SUGCT: variants seen among roughly 807,000 people sequenced by gnomAD.
SUGCT encodes the protein succinyl-CoA:glutarate CoA-transferase.
Under a neutral mutation model 55.0 loss-of-function variants are expected in SUGCT, and 41 were observed. The ratio of observed to expected loss-of-function variants is 0.74; its 90% CI spans 0.58 to 0.97. The LOEUF (loss-of-function observed/expected upper bound fraction) is 0.97, where lower values mean the gene tolerates loss of function less well. Ranked by LOEUF, SUGCT falls within the 50% of genes least tolerant of loss-of-function variation. The pLI is 0.00. For missense variants in SUGCT, 568 were observed against 547.8 expected (o/e 1.04, Z -0.37); for synonymous variants, 187 against 200.4 (o/e 0.93, Z 0.56).
chr7:40,883,145 C>T, the SUGCT span, among the ~76,000 whole-genome samples: 3 of 152,198 alleles, frequency 2.0e-5, no homozygotes, highest in Non-Finnish European at 2.9e-5. Context: ...CATCAGAACT[C>T]ACCATGCTTT....
chr7:40,423,133 A>G (rs2151374976), intron 9 of SUGCT, among the ~76,000 whole-genome samples: 1 of 152,244 alleles, frequency 6.6e-6, no homozygotes, highest in South Asian at 2.1e-4. Context: ...AGCTTTACCT[A>G]TGTGGCTTCA....
At chr7:40,646,599 C>T (rs1449038758) in intron 12 of SUGCT, among the ~76,000 whole-genome samples, 1 of 152,130 alleles carries the variant, frequency 6.6e-6, no homozygotes, top group Non-Finnish European at 1.5e-5. Context: ...CTTCACGCAG[C>T]AGAATTTATT....
At chr7:40,418,158 T>A (rs978075973) in intron 9 of SUGCT, among the ~76,000 whole-genome samples, 2 of 152,204 alleles carry the variant, frequency 1.3e-5, no homozygotes, top group Admixed American at 6.5e-5. Context: ...TTCTTTTTCT[T>A]AGCTTTAAAA....
At chr7:40,334,901 C>T (rs533520178) in intron 9 of SUGCT, among the ~76,000 whole-genome samples, 2 of 152,296 alleles carry the variant, frequency 1.3e-5, no homozygotes, top group South Asian at 4.1e-4. Flanking sequence ...ACATTTAAGT[C>T]CTTAATCCAT....
the SUGCT span, among the ~76,000 whole-genome samples, chr7:40,901,252 G>A: frequency 1.1e-3 from 174 of 152,324 alleles, 1 homozygote; most frequent in Admixed American, 0.011. Context: ...TAATGAGGAA[G>A]TGACCCAGGC....
intron 3 of SUGCT, among the ~76,000 whole-genome samples, chr7:40,183,942 G>T (rs1229729792): frequency 6.6e-6 from 1 of 152,136 alleles, no homozygotes; most frequent in African/African-American, 2.4e-5. Context: ...GGGAGGACGA[G>T]GTGGGCGGAT....
At chr7:40,682,177 G>A in intron 12 of SUGCT, among the ~76,000 whole-genome samples, 1 of 152,180 alleles carries the variant, frequency 6.6e-6, no homozygotes, top group African/African-American at 2.4e-5. Flanking sequence ...CCCACAGCCT[G>A]CTAAAAGAGG....
chr7:40,221,986 G>A (rs1223735424), intron 6 of SUGCT, among the ~76,000 whole-genome samples: 1 of 152,238 alleles, frequency 6.6e-6, no homozygotes, highest in Non-Finnish European at 1.5e-5. Flanking sequence ...CTAAGAGAAT[G>A]TCTGGAGGGC....
At chr7:40,984,530 C>A in the SUGCT span, among the ~76,000 whole-genome samples, 2 of 151,926 alleles carry the variant, frequency 1.3e-5, no homozygotes, top group Admixed American at 6.6e-5. Flanking sequence ...ATCTTCCCCT[C>A]AATTTTTTCC....
intron 12 of SUGCT, among the ~76,000 whole-genome samples, chr7:40,724,479 C>T (rs1187764085): frequency 2.0e-5 from 3 of 151,852 alleles, no homozygotes; most frequent in African/African-American, 4.8e-5. Flanking sequence ...AGGAGAATGA[C>T]ATGAACCTGG....
chr7:40,443,184 C>A (rs546773105), intron 9 of SUGCT, among the ~76,000 whole-genome samples: 30 of 152,120 alleles, frequency 2.0e-4, no homozygotes, highest in African/African-American at 6.8e-4. Flanking sequence ...AGTAAACATA[C>A]GTGTGCACGT....
the SUGCT span, among the ~76,000 whole-genome samples, chr7:40,962,442 C>A: frequency 1.3e-5 from 2 of 152,202 alleles, no homozygotes; most frequent in South Asian, 4.2e-4. Context: ...TGCTTGCTGT[C>A]CTGTTTGCCT....
At chr7:40,917,905 A>C in the SUGCT span, among the ~76,000 whole-genome samples, 1 of 152,124 alleles carries the variant, frequency 6.6e-6, no homozygotes, top group Non-Finnish European at 1.5e-5. Context: ...TCCATCTCTT[A>C]ATACCATCAC....
intron 12 of SUGCT, among the ~76,000 whole-genome samples, chr7:40,537,779 T>C (rs758464074): frequency 3.3e-5 from 5 of 152,190 alleles, no homozygotes; most frequent in Non-Finnish European, 5.9e-5. Flanking sequence ...GAAAATGTAA[T>C]GTTCCTGAAG....
chr7:40,449,645 C>T (rs1034485978), intron 10 of SUGCT, among the ~76,000 whole-genome samples: 3 of 152,186 alleles, frequency 2.0e-5, no homozygotes, highest in Non-Finnish European at 4.4e-5. Context: ...ACCTTTAACA[C>T]TGGTATTTTT....
intron 6 of SUGCT, among the ~76,000 whole-genome samples, chr7:40,222,986 T>TTCCTTCC (rs1788107545): frequency 1.1e-5 from 1 of 94,000 alleles, no homozygotes; most frequent in Non-Finnish European, 2.2e-5. Flanking sequence ...TTTTCATTTC[T>TTCCTTCC]TTCCTTCCTT....
At chr7:40,473,309 A>C (rs1448097334) in intron 11 of SUGCT, among the ~76,000 whole-genome samples, 1 of 152,216 alleles carries the variant, frequency 6.6e-6, no homozygotes, top group East Asian at 1.9e-4. Flanking sequence ...GAGAAATGTC[A>C]ATCATTTTCT....
intron 6 of SUGCT, among the ~76,000 whole-genome samples, chr7:40,219,315 G>T (rs1373751725): frequency 6.6e-6 from 1 of 152,184 alleles, no homozygotes; most frequent in East Asian, 1.9e-4. Flanking sequence ...CTTGAAGTCA[G>T]TGAGACCAAG....
At chr7:40,587,708 A>G (rs1373357601) in intron 12 of SUGCT, among the ~76,000 whole-genome samples, 1 of 152,180 alleles carries the variant, frequency 6.6e-6, no homozygotes, top group Non-Finnish European at 1.5e-5. Flanking sequence ...TTGTGTTTAA[A>G]TGAAAATAGC....
Sources: gnomAD v4.1 joint callset for allele counts (sites outside exome capture counted in the v4.1 genomes callset) on GRCh38, gnomAD v4.1.1 for gene constraint, MANE v1.5 for transcripts, NCBI Gene and HGNC (gene_info 2026-07-23, HGNC 2026-07-21) for gene names.